The following GSTO2 variants were observed in gnomAD, a reference collection of about 807,000 sequenced individuals.
The protein encoded by GSTO2 is glutathione S-transferase omega-2.
In GSTO2, 23 loss-of-function variants were observed where a neutral mutation model predicts 28.4. That is an observed-to-expected ratio of 0.81 (90% confidence interval 0.58 to 1.15). The LOEUF (loss-of-function observed/expected upper bound fraction) is 1.15, where lower values mean the gene tolerates loss of function less well. GSTO2 is among the 50% of genes most tolerant of loss of function. The probability of loss-of-function intolerance (pLI) is 0.00; values close to 1 mark genes in which losing one functional copy is unlikely to be tolerated. For synonymous variants in GSTO2, 109 were observed against 111.0 expected, an observed-to-expected ratio of 0.98 and a Z score of 0.11; for missense variants, 298 against 297.8, an observed-to-expected ratio of 1.00 and a Z score of 0.00.
chr10:104,274,941 TG>T lies in GSTO2; in HGVS notation c.30del (p.Gly12GlufsTer12). The T allele has an allele frequency of 6.2e-7, 1 of 1,600,866 alleles. No individual in the cohort carries two copies. The highest frequency in any genetic ancestry group is 8.5e-7 in the Non-Finnish European group (1 of 1,176,118). MSGDATRT[L>X]GKGSQPPGPV... ...ATGTCTGGGGATGCGACCAGGACCC[TG>T]GGGAAAGGTGAGTGCTCTCCATGGG... On this transcript the variant is annotated frameshift_variant, in exon 2 of 7. Transcript: ENST00000338595. LOFTEE classifies it high-confidence loss of function.
At chr10:104,270,744 A>C (rs1047712999) in intron 1 of GSTO2, among the ~76,000 whole-genome samples, 1 of 149,494 alleles carries the variant, frequency 6.7e-6, no homozygotes, top group South Asian at 2.1e-4. Context: ...CTAACTTATT[A>C]AGAGGAATGT....
chr10:104,288,675 C>G (rs568732040), intron 5 of GSTO2, among the ~76,000 whole-genome samples: 1 of 152,168 alleles, frequency 6.6e-6, no homozygotes, highest in Non-Finnish European at 1.5e-5. Flanking sequence ...ATCCCTTGCT[C>G]CTGGTCTTGC....
chr10:104,301,270 G>A lies in GSTO2; in HGVS notation c.*1986G>A, dbSNP rs1016558439. ...TGGCATGCCTCTGGCTCACCAAAAT[G>A]AAGGTGTTCTCTTTTGGGGCTCCGC... On this transcript the variant is annotated 3_prime_UTR_variant, in exon 7 of 7. Coordinates refer to ENST00000338595, the MANE Select transcript of GSTO2 (RefSeq NM_183239.2). 6.6e-6 allele frequency: 1 copy of A among 152,242 alleles called. No homozygotes were observed. The highest frequency in any genetic ancestry group is 1.5e-5 in the Non-Finnish European group (1 of 68,054). The allele number at this position is 152,242 out of a possible 1,614,324, so 9.4% of individuals were successfully genotyped here.
chr10:104,290,932 G>T (rs1329177881), intron 5 of GSTO2, among the ~76,000 whole-genome samples: 1 of 152,138 alleles, frequency 6.6e-6, no homozygotes, highest in Non-Finnish European at 1.5e-5. Context: ...AAATGCTTGG[G>T]GGAGTGGATA....
chr10:104,281,406 A>G (rs979331050), intron 5 of GSTO2, among the ~76,000 whole-genome samples: 5 of 149,924 alleles, frequency 3.3e-5, no homozygotes, highest in South Asian at 2.2e-4. Flanking sequence ...AGGAGCTGGG[A>G]AAAAAAAAAC....
At chr10:104,283,592 C>T (rs1408460249) in intron 5 of GSTO2, among the ~76,000 whole-genome samples, 1 of 152,184 alleles carries the variant, frequency 6.6e-6, no homozygotes, top group Non-Finnish European at 1.5e-5. Context: ...TGCCACTGTA[C>T]TCCAGCCTGG....
intron 5 of GSTO2, among the ~76,000 whole-genome samples, chr10:104,290,475 A>C (rs1204455111): frequency 6.6e-6 from 1 of 152,008 alleles, no homozygotes; most frequent in Non-Finnish European, 1.5e-5. Context: ...ACTGCACTCC[A>C]ACTTGGGTGA....
Position 104,274,814 on chromosome 10 carries a change from G to A in GSTO2, c.-102G>A, listed in dbSNP as rs1439907503. On this transcript the variant is annotated 5_prime_UTR_variant, in exon 2 of 7. The change creates a new upstream start codon in the 5' untranslated region. Transcript: ENST00000338595. ...TCAAAAATTAAATTTGGGGCAAGGGGTGCGCGCCAGAGCGCAGCTGTTTCT... is the reference window on the plus strand; with the variant it reads ...TCAAAAATTAAATTTGGGGCAAGGGATGCGCGCCAGAGCGCAGCTGTTTCT... 2.8e-6 allele frequency: 4 copies of A among 1,414,020 alleles called. No homozygotes were observed. The African/African-American group carries it at 4.3e-5, about 15-fold the overall frequency. The allele number at this position is 1,414,020 out of a possible 1,614,324, so 87.6% of individuals were successfully genotyped here. A position where few individuals can be genotyped will look rare whatever the true frequency, so the allele number is the denominator to read the frequency against.
At chr10:104,286,706 C>T (rs1324820185) in intron 5 of GSTO2, among the ~76,000 whole-genome samples, 1 of 152,156 alleles carries the variant, frequency 6.6e-6, no homozygotes, top group Non-Finnish European at 1.5e-5. Context: ...TGGGTTACTT[C>T]CTTCATCATC....
At chr10:104,279,251 T>A in intron 4 of GSTO2, 119 bp from the exon 5 acceptor site, 1 of 704,168 alleles carries the variant, frequency 1.4e-6, no homozygotes, top group Non-Finnish European at 2.4e-6. Flanking sequence ...AGCTGGGGGG[T>A]CTGATGTGGG....
chr10:104,291,500 T>G (rs1040153073), intron 5 of GSTO2: 1 of 152,284 alleles, frequency 6.6e-6, no homozygotes, highest in African/African-American at 2.4e-5. Context: ...TTCTTCATCC[T>G]CCGGTTGAAC....
chr10:104,278,626 C>T (rs1245717487), intron 4 of GSTO2, among the ~76,000 whole-genome samples: 1 of 152,152 alleles, frequency 6.6e-6, no homozygotes, highest in Non-Finnish European at 1.5e-5. Flanking sequence ...GGATTACAGG[C>T]GCATGCCACC....
chr10:104,285,905 G>A (rs2012393557), intron 5 of GSTO2: 1 of 315,598 alleles, frequency 3.2e-6, no homozygotes, highest in African/African-American at 2.2e-5. Flanking sequence ...TTTATATATT[G>A]TTTAATTGTT....
At chr10:104,294,453 G>A (rs1051007734) in intron 5 of GSTO2, among the ~76,000 whole-genome samples, 2 of 152,224 alleles carry the variant, frequency 1.3e-5, no homozygotes, top group African/African-American at 4.8e-5. Flanking sequence ...TGTCCAGGAT[G>A]TTCTCCTACG....
chr10:104,296,996 C>G (rs1357957206), intron 5 of GSTO2: 1 of 152,352 alleles, frequency 6.6e-6, no homozygotes, highest in Admixed American at 6.5e-5. Context: ...TCAGGCTGGT[C>G]TCGAACTCCC....
rs2013331785 is a variant in GSTO2, at chr10:104,303,922, G to C, written c.*4638G>C. The C allele has an allele frequency of 6.6e-6, 1 of 152,248 alleles. No homozygotes were observed. The highest frequency in any genetic ancestry group is 2.1e-4 in the South Asian group (1 of 4,832). The allele number at this position is 152,248 out of a possible 1,614,324, so 9.4% of individuals were successfully genotyped here. A position where few individuals can be genotyped will look rare whatever the true frequency, so the allele number is the denominator to read the frequency against. ...TTCTTGGAGCTTTGGTGGTGGTAGG[G>C]GTGGCAGGGGCAGGTGTTATGTTTC... On this transcript the variant is annotated 3_prime_UTR_variant, in exon 7 of 7. Transcript: ENST00000338595.
intron 6 of GSTO2, 75 bp downstream of exon 6, chr10:104,297,759 C>A: frequency 1.1e-6 from 1 of 944,694 alleles, no homozygotes; most frequent in Non-Finnish European, 1.7e-6. Context: ...GTCTGCATGC[C>A]CCCTGTAGAC....
intron 3 of GSTO2, among the ~76,000 whole-genome samples, chr10:104,275,620 A>G (rs1456671321): frequency 6.6e-6 from 1 of 152,150 alleles, no homozygotes; most frequent in African/African-American, 2.4e-5. Context: ...GTTTAAGGGC[A>G]CAGCCAACAC....
intron 1 of GSTO2, among the ~76,000 whole-genome samples, chr10:104,270,255 C>T (rs1023607727): frequency 1.4e-4 from 22 of 152,238 alleles, no homozygotes; most frequent in East Asian, 5.8e-4. Context: ...CCTCGTGATC[C>T]GCCCGCCTCA....
Sources: gnomAD v4.1 joint callset for allele counts (sites outside exome capture counted in the v4.1 genomes callset) on GRCh38, gnomAD v4.1.1 for gene constraint, MANE v1.5 for transcripts, NCBI Gene and HGNC (gene_info 2026-07-23, HGNC 2026-07-21) for gene names.